Variants in ASCC3 observed in about 807,000 individuals in gnomAD.
ASCC3 encodes the protein activating signal cointegrator 1 complex subunit 3, also known as ASC-1 complex subunit P200.
A neutral mutation model predicts 256.3 loss-of-function variants in ASCC3; 158 were observed. The ratio of observed to expected loss-of-function variants is 0.62; its 90% CI spans 0.54 to 0.70. The LOEUF is 0.70. Among genes scored for constraint, ASCC3 ranks in the 30% least tolerant of loss-of-function variants. The pLI, the probability that ASCC3 is intolerant of heterozygous loss-of-function variation, is 0.00. For synonymous variants in ASCC3, 948 were observed against 883.4 expected, an observed-to-expected ratio of 1.07 and a Z score of -1.30; for missense variants, 2,259 against 2,626.0, an observed-to-expected ratio of 0.86 and a Z score of 3.05.
Position 100,815,302 on chromosome 6 carries a change from G to A in ASCC3, c.802-9422C>T, listed in dbSNP as rs146960870. 2.6e-3 allele frequency among the ~76,000 whole-genome samples: 396 copies of A among 152,130 alleles called. 1 individual carries two copies. Among genetic ancestry groups the A allele is most frequent in the Non-Finnish European group, 4.3e-3 (292 of 67,972 alleles). On this transcript the variant is annotated intron_variant, in intron 4 of 41. Coordinates refer to ENST00000369162, the MANE Select transcript of ASCC3 (RefSeq NM_006828.4). ...AATGGAAAAACATTCCATGCTCATGGATTGGAAGAATCAATATCGTTAAAA... is the reference window on the plus strand; with the variant it reads ...AATGGAAAAACATTCCATGCTCATGAATTGGAAGAATCAATATCGTTAAAA...
intron 4 of ASCC3, among the ~76,000 whole-genome samples, chr6:100,818,422 C>A (rs1017893739): frequency 6.6e-6 from 1 of 151,760 alleles, no homozygotes; most frequent in Non-Finnish European, 1.5e-5. Flanking sequence ...CAAAAACTAG[C>A]TGGGTGCAGT....
intron 4 of ASCC3, among the ~76,000 whole-genome samples, chr6:100,818,090 C>T (rs901574046): frequency 6.6e-5 from 10 of 151,986 alleles, no homozygotes; most frequent in Admixed American, 1.3e-4. Context: ...AAGGTTGGTT[C>T]GGCATTAGAA....
At chr6:100,775,513 T>A (rs2115154932) in intron 8 of ASCC3, among the ~76,000 whole-genome samples, 1 of 152,214 alleles carries the variant, frequency 6.6e-6, no homozygotes, top group African/African-American at 2.4e-5. Context: ...AAATTACCAC[T>A]AAATTTACTG....
chr6:100,817,602 G>C (rs915422420), intron 4 of ASCC3, among the ~76,000 whole-genome samples: 2 of 109,260 alleles, frequency 1.8e-5, no homozygotes, highest in African/African-American at 3.3e-5. Flanking sequence ...TCACTACTAA[G>C]TTGAAAGAAG....
chr6:100,773,997 A>C (rs1438293095), intron 8 of ASCC3, among the ~76,000 whole-genome samples: 1 of 114,656 alleles, frequency 8.7e-6, no homozygotes, highest in Non-Finnish European at 1.8e-5. Context: ...ATATACTAAC[A>C]AACAAAACCT....
intron 30 of ASCC3, among the ~76,000 whole-genome samples, chr6:100,616,819 T>A (rs117312426): frequency 0.019 from 2,923 of 152,310 alleles, 61 homozygotes; most frequent in Non-Finnish European, 0.025. Flanking sequence ...TTTAACAGTG[T>A]GGCAGAAGAA....
At chr6:100,591,809 G>A (rs7741503) in intron 34 of ASCC3, among the ~76,000 whole-genome samples, 2,454 of 151,776 alleles carry the variant, frequency 0.016, 67 homozygotes, top group African/African-American at 0.056. Flanking sequence ...ACCATCAGCC[G>A]TTGTCCTATA....
chr6:100,583,793 T>C (rs544843320), intron 36 of ASCC3, among the ~76,000 whole-genome samples: 5 of 152,328 alleles, frequency 3.3e-5, no homozygotes, highest in African/African-American at 1.2e-4. Flanking sequence ...TGTGTCTTTG[T>C]TCTCGTTGGT....
At chr6:100,846,262 T>C (rs1772377473) in intron 4 of ASCC3, among the ~76,000 whole-genome samples, 1 of 152,038 alleles carries the variant, frequency 6.6e-6, no homozygotes, top group African/African-American at 2.4e-5. Context: ...TACTGAAAAT[T>C]TGCCATAACA....
intron 36 of ASCC3, among the ~76,000 whole-genome samples, chr6:100,556,142 C>G (rs77691113): frequency 2.0e-5 from 3 of 151,952 alleles, no homozygotes; most frequent in African/African-American, 7.3e-5. Flanking sequence ...CAAAAAGAAC[C>G]CCACAAGAAT....
chr6:100,582,193 T>C (rs1480230853), intron 36 of ASCC3, among the ~76,000 whole-genome samples: 2 of 152,064 alleles, frequency 1.3e-5, no homozygotes, highest in African/African-American at 2.4e-5. Flanking sequence ...GCCATTATCA[T>C]GATATTGATT....
intron 14 of ASCC3, among the ~76,000 whole-genome samples, chr6:100,666,040 G>C (rs1220290736): frequency 6.6e-6 from 1 of 151,990 alleles, no homozygotes; most frequent in Non-Finnish European, 1.5e-5. Flanking sequence ...GTCTCTCCAA[G>C]ACCACTATAT....
intron 10 of ASCC3, among the ~76,000 whole-genome samples, chr6:100,743,937 A>T (rs1780552376): frequency 6.6e-6 from 1 of 152,208 alleles, no homozygotes; most frequent in Non-Finnish European, 1.5e-5. Flanking sequence ...CATCATTACC[A>T]TCATGCAGGG....
At chr6:100,625,083 G>A (rs1774158297) in intron 30 of ASCC3, 109 bp downstream of exon 30, 3 of 1,262,298 alleles carry the variant, frequency 2.4e-6, no homozygotes, top group Non-Finnish European at 1.1e-6. Context: ...TAAGGTGGCG[G>A]TATTATGAAT....
chr6:100,610,400 T>C (rs1439384783), intron 30 of ASCC3, among the ~76,000 whole-genome samples: 2 of 152,154 alleles, frequency 1.3e-5, no homozygotes, highest in East Asian at 1.9e-4. Flanking sequence ...AACTGCTTTC[T>C]TGTTCATTTT....
At chr6:100,589,529 G>A in intron 36 of ASCC3, 105 bp downstream of exon 36, 1 of 1,372,680 alleles carries the variant, frequency 7.3e-7, no homozygotes. Context: ...TTTGACAGAG[G>A]AAAGGGCTTT....
chr6:100,587,909 G>A (rs1771788161), intron 36 of ASCC3, among the ~76,000 whole-genome samples: 2 of 152,128 alleles, frequency 1.3e-5, no homozygotes, highest in African/African-American at 4.8e-5. Flanking sequence ...GGCTTTTTTA[G>A]TGGAGTAAAC....
At chr6:100,642,856 A>C (rs1033511124) in intron 23 of ASCC3, 107 bp from the exon 24 acceptor site, 2 of 1,063,594 alleles carry the variant, frequency 1.9e-6, no homozygotes, top group Non-Finnish European at 2.8e-6. Context: ...ACTAAAGACA[A>C]AGTATCTTGA....
chr6:100,518,029 T>C lies in ASCC3; in HGVS notation c.5889A>G (p.Thr1963=), dbSNP rs571263714. The C allele has an allele frequency of 6.2e-7, 1 of 1,613,496 alleles. No homozygotes were observed. The highest frequency in any genetic ancestry group is 2.2e-5 in the East Asian group (1 of 44,872). ...GRWLKDSSLL[T]LPNIENHHLH... is the part of the protein sequence containing the mutation. Reference sequence around the variant, plus strand: ...GATGATGGTTTTCTATGTTTGGTAGTGTAAGAAGAGAAGAGTCCTTTAACC... The same window carrying C: ...GATGATGGTTTTCTATGTTTGGTAGCGTAAGAAGAGAAGAGTCCTTTAACC... Residue 1963 remains threonine (T), a synonymous_variant, in exon 38 of 42, where the codon ACA becomes ACG. Coordinates refer to ENST00000369162, the MANE Select transcript of ASCC3 (RefSeq NM_006828.4).
Sources: allele counts gnomAD v4.1 joint callset (sites outside exome capture counted in the v4.1 genomes callset), GRCh38; gene constraint gnomAD v4.1.1; transcripts MANE v1.5; gene names NCBI Gene and HGNC (gene_info 2026-07-23, HGNC 2026-07-21).